XKR9: variants seen among roughly 807,000 people sequenced by gnomAD.
The protein encoded by XKR9 is XK related 9, also known as XK-related protein 9.
XKR9 carries 32 observed loss-of-function variants against 32.0 expected under a neutral mutation model. That is an observed-to-expected ratio of 1.00 (90% CI 0.76 to 1.34). XKR9 has a LOEUF of 1.34. XKR9 is among the 40% of genes most tolerant of loss of function. XKR9 has a pLI of 0.00. For synonymous variants in XKR9, 168 were observed against 143.4 expected, an observed-to-expected ratio of 1.17 and a Z score of -1.22; for missense variants, 546 against 429.7, an observed-to-expected ratio of 1.27 and a Z score of -2.39.
intron 3 of XKR9, among the ~76,000 whole-genome samples, chr8:70,693,227 T>C (rs1805142644): frequency 6.6e-6 from 1 of 152,230 alleles, no homozygotes; most frequent in Admixed American, 6.5e-5. Flanking sequence ...ACTTCTTTTC[T>C]GGATGTTTTC....
chr8:70,964,893 A>G, the XKR9 span, among the ~76,000 whole-genome samples: 1 of 152,158 alleles, frequency 6.6e-6, no homozygotes, highest in African/African-American at 2.4e-5. Context: ...GTTATCTGCA[A>G]AAAAAGTTAA....
the XKR9 span, among the ~76,000 whole-genome samples, chr8:70,910,029 C>A: frequency 6.6e-6 from 1 of 151,586 alleles, no homozygotes; most frequent in Non-Finnish European, 1.5e-5. Context: ...TATATCATAG[C>A]ACTTAGTGAA....
rs1407544724 is a variant in XKR9 at position 70,680,928 on chromosome 8, T to C, written c.-131T>C. The C allele has an allele frequency of 3.8e-6, 3 of 791,724 alleles. No individual in the cohort carries two copies. The highest frequency in any genetic ancestry group is 5.7e-6 in the Non-Finnish European group (3 of 522,284). The allele number at this position is 791,724 out of a possible 1,614,324, so 49.0% of individuals were successfully genotyped here. A position where few individuals can be genotyped will look rare whatever the true frequency, so the allele number is the denominator to read the frequency against. On this transcript the variant is annotated 5_prime_UTR_variant, in exon 3 of 5. Coordinates refer to ENST00000408926, the MANE Select transcript of XKR9 (RefSeq NM_001011720.2). ...CCATTTCATAATATTTATTCTTTCT[T>C]CTAAATAGATTTAGGGAGTAGAAAT...
At chr8:70,703,556 T>C (rs1351678963) in intron 3 of XKR9, among the ~76,000 whole-genome samples, 1 of 152,064 alleles carries the variant, frequency 6.6e-6, no homozygotes, top group East Asian at 1.9e-4. Context: ...TTCAAAAGGC[T>C]CTCCACCTCA....
At chr8:70,914,827 A>G in the XKR9 span, among the ~76,000 whole-genome samples, 1 of 152,212 alleles carries the variant, frequency 6.6e-6, no homozygotes, top group Non-Finnish European at 1.5e-5. Flanking sequence ...ATTTTCTAAA[A>G]CTATGTAATC....
chr8:71,035,810 C>G, the XKR9 span, among the ~76,000 whole-genome samples: 1 of 152,124 alleles, frequency 6.6e-6, no homozygotes, highest in Non-Finnish European at 1.5e-5. Flanking sequence ...CCATTCTCCC[C>G]TGCAGCAGAC....
At chr8:70,812,316 C>A in the XKR9 span, among the ~76,000 whole-genome samples, 1 of 152,136 alleles carries the variant, frequency 6.6e-6, no homozygotes, top group Non-Finnish European at 1.5e-5. Context: ...CTATGTACGA[C>A]AAACCCACAG....
chr8:70,741,293 A>G (rs993744826), intron 2 of XKR9, among the ~76,000 whole-genome samples: 2 of 152,222 alleles, frequency 1.3e-5, no homozygotes, highest in Non-Finnish European at 2.9e-5. Flanking sequence ...GACCTGAGCT[A>G]GCACACTCTT....
At chr8:70,868,721 C>A in the XKR9 span, among the ~76,000 whole-genome samples, 1 of 152,180 alleles carries the variant, frequency 6.6e-6, no homozygotes, top group Non-Finnish European at 1.5e-5. Context: ...TTAGTCTCCT[C>A]ATTACTTATG....
the XKR9 span, among the ~76,000 whole-genome samples, chr8:70,887,913 A>G: frequency 1.3e-5 from 2 of 151,992 alleles, no homozygotes; most frequent in African/African-American, 4.8e-5. Context: ...AATACCCTTT[A>G]TTTCTTCATC....
the XKR9 span, among the ~76,000 whole-genome samples, chr8:70,838,411 A>G: frequency 6.6e-6 from 1 of 152,076 alleles, no homozygotes; most frequent in Non-Finnish European, 1.5e-5. Context: ...CAGACAATGA[A>G]ACAGGCTGCA....
the XKR9 span, among the ~76,000 whole-genome samples, chr8:70,887,078 C>A: frequency 2.0e-5 from 3 of 152,134 alleles, no homozygotes; most frequent in African/African-American, 7.2e-5. Flanking sequence ...AGTCTTTAGT[C>A]CATCTTGAGT....
At chr8:70,726,569 T>C (rs1806476930) in intron 4 of XKR9, among the ~76,000 whole-genome samples, 1 of 152,226 alleles carries the variant, frequency 6.6e-6, no homozygotes, top group Admixed American at 6.5e-5. Flanking sequence ...AAGCATTTCT[T>C]TGAAGAACTG....
At chr8:70,779,844 TTTC>T (rs1482203281) in intron 2 of XKR9, among the ~76,000 whole-genome samples, 2 of 152,154 alleles carry the variant, frequency 1.3e-5, no homozygotes, top group Non-Finnish European at 1.5e-5. Context: ...TCTTCTCTCT[TTTC>T]TTCTTTATTA....
the XKR9 span, among the ~76,000 whole-genome samples, chr8:70,931,809 G>A: frequency 1.3e-5 from 2 of 152,192 alleles, no homozygotes; most frequent in Admixed American, 1.3e-4. Flanking sequence ...CAGATCTTGA[G>A]TGAACTAACT....
At chr8:70,944,221 A>T in the XKR9 span, among the ~76,000 whole-genome samples, 1 of 152,146 alleles carries the variant, frequency 6.6e-6, no homozygotes, top group South Asian at 2.1e-4. Context: ...CTATTTTGTA[A>T]GTGTTAAAAA....
the XKR9 span, among the ~76,000 whole-genome samples, chr8:71,060,069 T>G: frequency 6.6e-6 from 1 of 152,212 alleles, no homozygotes; most frequent in Admixed American, 6.5e-5. Context: ...ATTAAAATAC[T>G]GTTTGGAAAA....
the XKR9 span, among the ~76,000 whole-genome samples, chr8:70,855,330 T>G: frequency 6.6e-6 from 1 of 152,030 alleles, no homozygotes; most frequent in Non-Finnish European, 1.5e-5. Context: ...ACATGATGAA[T>G]GCACAAGCCT....
chr8:71,044,277 G>A, the XKR9 span, among the ~76,000 whole-genome samples: 7 of 152,124 alleles, frequency 4.6e-5, no homozygotes, highest in Admixed American at 2.0e-4. Context: ...TGATTTCTGC[G>A]TTTGCCTTGC....
Sources: gnomAD v4.1 joint callset for allele counts (sites outside exome capture counted in the v4.1 genomes callset) on GRCh38, gnomAD v4.1.1 for gene constraint, MANE v1.5 for transcripts, NCBI Gene and HGNC (gene_info 2026-07-23, HGNC 2026-07-21) for gene names.